The following WDFY4 variants were observed in gnomAD, a reference collection of about 807,000 sequenced individuals.
WDFY4 encodes WD repeat- and FYVE domain-containing protein 4.
WDFY4 carries 169 observed loss-of-function variants against 351.9 expected under a neutral mutation model. The ratio of observed to expected loss-of-function variants is 0.48; its 90% CI spans 0.42 to 0.55. The LOEUF (loss-of-function observed/expected upper bound fraction) is 0.55, where lower values mean the gene tolerates loss of function less well. Ranked by LOEUF, WDFY4 falls within the 20% of genes least tolerant of loss-of-function variation. The pLI is 0.00. For missense variants in WDFY4, 3,803 were observed against 3,935.6 expected, an observed-to-expected ratio of 0.97 and a Z score of 0.90; for synonymous variants, 1,622 against 1,574.6, an observed-to-expected ratio of 1.03 and a Z score of -0.71.
intron 1 of WDFY4, among the ~76,000 whole-genome samples, chr10:48,695,788 C>T (rs145265065): frequency 1.7e-3 from 261 of 152,042 alleles, no homozygotes; most frequent in Non-Finnish European, 2.9e-3. Flanking sequence ...TCAACCATAG[C>T]CAAACTGTAG....
chr10:48,968,205 A>T (rs990938517), intron 55 of WDFY4: 1 of 152,398 alleles, frequency 6.6e-6, no homozygotes, highest in East Asian at 1.9e-4. Context: ...AGTGCCATGA[A>T]GTGGTGTCTG....
chr10:48,822,596 T>G, intron 35 of WDFY4, 59 bp downstream of exon 35: 2 of 1,395,802 alleles, frequency 1.4e-6, no homozygotes, highest in Non-Finnish European at 1.9e-6. Flanking sequence ...CTCCTGGCTA[T>G]TGTCCAGTTG....
chr10:48,910,870 C>T (rs774017794), intron 47 of WDFY4: 1 of 982,756 alleles, frequency 1.0e-6, no homozygotes, highest in African/African-American at 1.7e-5. Context: ...GACCAGCAAA[C>T]CCTGGGCACC....
intron 19 of WDFY4, among the ~76,000 whole-genome samples, chr10:48,781,772 G>T (rs1204837132): frequency 6.6e-6 from 1 of 152,096 alleles, no homozygotes; most frequent in African/African-American, 2.4e-5. Context: ...TAGGTGCTAA[G>T]AATTGTTTAT....
chr10:48,712,391 G>A (rs759553346), intron 2 of WDFY4, among the ~76,000 whole-genome samples: 21 of 152,162 alleles, frequency 1.4e-4, no homozygotes, highest in African/African-American at 1.9e-4. Context: ...GATTCCTGTC[G>A]CCAGGATTCC....
intron 39 of WDFY4, among the ~76,000 whole-genome samples, chr10:48,861,150 T>C (rs184342438): frequency 2.0e-5 from 3 of 152,340 alleles, no homozygotes; most frequent in South Asian, 2.1e-4. Flanking sequence ...ATATTTTCTC[T>C]ACACTCGTTT....
intron 24 of WDFY4, among the ~76,000 whole-genome samples, chr10:48,801,329 T>C (rs1355547697): frequency 1.3e-4 from 20 of 152,230 alleles, no homozygotes; most frequent in Non-Finnish European, 2.9e-5. Context: ...AAAGGAAATG[T>C]GAGAGGCTGG....
At chr10:48,944,296 G>A (rs1052207059) in intron 49 of WDFY4, among the ~76,000 whole-genome samples, 6 of 152,218 alleles carry the variant, frequency 3.9e-5, no homozygotes, top group Non-Finnish European at 7.3e-5. Flanking sequence ...GTAGTGACAG[G>A]GGAGGTTGAT....
At chr10:48,880,065 G>A (rs757414785) in intron 43 of WDFY4, among the ~76,000 whole-genome samples, 1 of 152,190 alleles carries the variant, frequency 6.6e-6, no homozygotes, top group Non-Finnish European at 1.5e-5. Flanking sequence ...CCTCCTGGGG[G>A]CTTCTCTGGA....
Position 48,726,210 on chromosome 10 carries a change from A to G in WDFY4, c.781+140A>G. On this transcript the variant is annotated intron_variant, in intron 6 of 61. Transcript: ENST00000325239. ...TCTTATAGAATTTTGGGACCAAAGA[A>G]GAGATGAATGAGCAGCCATGTCCGG... 3.0e-6 allele frequency: 3 copies of G among 1,004,608 alleles called. 1 individual carries two copies. The South Asian group carries it at 5.4e-5, about 18-fold the overall frequency. 62.2% of individuals were successfully genotyped at this position (1,004,608 alleles called of 1,614,324 possible). A position where few individuals can be genotyped will look rare whatever the true frequency, so the allele number is the denominator to read the frequency against.
chr10:48,703,812 G>A (rs756489637), intron 1 of WDFY4, among the ~76,000 whole-genome samples: 10 of 152,222 alleles, frequency 6.6e-5, no homozygotes, highest in Non-Finnish European at 1.2e-4. Context: ...CATTGGGGCC[G>A]CTGTGCGCAG....
intron 30 of WDFY4, among the ~76,000 whole-genome samples, chr10:48,813,504 A>G (rs2067524333): frequency 6.6e-6 from 1 of 152,194 alleles, no homozygotes; most frequent in Non-Finnish European, 1.5e-5. Flanking sequence ...ACGGGAAATG[A>G]ACTGCCAAGA....
At chr10:48,770,597 G>A (rs1246431539) in intron 13 of WDFY4, among the ~76,000 whole-genome samples, 2 of 145,728 alleles carry the variant, frequency 1.4e-5, no homozygotes, top group Non-Finnish European at 3.0e-5. Flanking sequence ...TTTGAGAAGA[G>A]AAGCAGGGGC....
intron 43 of WDFY4, among the ~76,000 whole-genome samples, chr10:48,880,067 T>G (rs1478189318): frequency 6.6e-6 from 1 of 152,176 alleles, no homozygotes; most frequent in Non-Finnish European, 1.5e-5. Flanking sequence ...TCCTGGGGGC[T>G]TCTCTGGAAT....
At chr10:48,885,710 G>C (rs966352568) in intron 43 of WDFY4, among the ~76,000 whole-genome samples, 10 of 151,456 alleles carry the variant, frequency 6.6e-5, no homozygotes, top group African/African-American at 2.4e-4. Context: ...ACAATAAGGA[G>C]ATGTTCTCTC....
At chr10:48,963,559 A>T (rs1390346264) in intron 53 of WDFY4, among the ~76,000 whole-genome samples, 2 of 152,076 alleles carry the variant, frequency 1.3e-5, no homozygotes, top group Non-Finnish European at 2.9e-5. Context: ...CCAGGCCTGC[A>T]CCTCATAGAT....
At chr10:48,819,024 G>A (rs1171139898) in intron 32 of WDFY4, among the ~76,000 whole-genome samples, 2 of 152,194 alleles carry the variant, frequency 1.3e-5, no homozygotes, top group Admixed American at 1.3e-4. Context: ...ATGCCCAAGG[G>A]CCAGGCTCGC....
chr10:48,777,517 T>C, intron 17 of WDFY4, 22 bp downstream of exon 17: 2 of 1,546,562 alleles, frequency 1.3e-6, no homozygotes, highest in East Asian at 4.9e-5. Flanking sequence ...TCCCAGATGG[T>C]TTAGCTCTCC....
intron 10 of WDFY4, among the ~76,000 whole-genome samples, chr10:48,734,523 CATAT>C (rs10653287): frequency 2.8e-5 from 4 of 144,940 alleles, no homozygotes; most frequent in South Asian, 2.2e-4. Context: ...ATAATATGTG[CATAT>C]ATATATATAT....
Sources: allele counts gnomAD v4.1 joint callset (sites outside exome capture counted in the v4.1 genomes callset), GRCh38; gene constraint gnomAD v4.1.1; transcripts MANE v1.5; gene names NCBI Gene and HGNC (gene_info 2026-07-23, HGNC 2026-07-21).